DIS3L2: variants seen among roughly 807,000 people sequenced by gnomAD.
DIS3L2 encodes DIS3 like 3'-5' exoribonuclease 2.
In DIS3L2, 34 loss-of-function variants were observed where a neutral mutation model predicts 97.5. The ratio of observed to expected loss-of-function variants is 0.35; its 90% CI spans 0.27 to 0.46. DIS3L2 has a LOEUF of 0.46. Among genes scored for constraint, DIS3L2 ranks in the 20% least tolerant of loss-of-function variants. The pLI, the probability that DIS3L2 is intolerant of heterozygous loss-of-function variation, is 1.00. For missense variants in DIS3L2, 1,038 were observed against 1,146.0 expected, an observed-to-expected ratio of 0.91 and a Z score of 1.36; for synonymous variants, 435 against 445.2, an observed-to-expected ratio of 0.98 and a Z score of 0.29.
Position 232,335,882 on chromosome 2 carries a change from C to T in DIS3L2, c.2496+8C>T, listed in dbSNP as rs1415885837. On this transcript the variant is annotated splice_region_variant and intron_variant, in intron 20 of 20. Coordinates refer to ENST00000325385, the MANE Select transcript of DIS3L2 (RefSeq NM_152383.5). ...CAGGAGCCAGCACAGCAGGTCAGAA[C>T]CCCTCTGTGTCCCAGCCCCCTAAGT... 2 of 1,550,234 alleles carry T rather than the reference C, an allele frequency of 1.3e-6. No individual in the cohort carries two copies. The highest frequency in any genetic ancestry group is 1.7e-6 in the Non-Finnish European group (2 of 1,146,960).
intron 6 of DIS3L2, among the ~76,000 whole-genome samples, chr2:232,127,101 T>G (rs1205631065): frequency 6.6e-6 from 1 of 152,200 alleles, no homozygotes; most frequent in Non-Finnish European, 1.5e-5. Flanking sequence ...AGGGGTTGCA[T>G]GGACTTGCAT....
intron 10 of DIS3L2, among the ~76,000 whole-genome samples, chr2:232,216,365 C>T (rs189025406): frequency 7.9e-5 from 12 of 152,290 alleles, no homozygotes; most frequent in African/African-American, 1.4e-4. Context: ...CTTCTCCAGT[C>T]GCCTTTTTAA....
chr2:232,148,209 C>T (rs1301121540), intron 8 of DIS3L2, among the ~76,000 whole-genome samples: 1 of 151,952 alleles, frequency 6.6e-6, no homozygotes, highest in East Asian at 1.9e-4. Flanking sequence ...ACCATCATGC[C>T]CAGCAATTTT....
At chr2:232,077,917 A>G (rs575995785) in intron 5 of DIS3L2, among the ~76,000 whole-genome samples, 1 of 151,864 alleles carries the variant, frequency 6.6e-6, no homozygotes, top group East Asian at 1.9e-4. Context: ...GTACTTTGTT[A>G]TAGAGTATTT....
intron 14 of DIS3L2, among the ~76,000 whole-genome samples, chr2:232,312,733 G>A (rs1175597292): frequency 6.6e-6 from 1 of 152,044 alleles, no homozygotes; most frequent in Non-Finnish European, 1.5e-5. Flanking sequence ...TCACAAACAT[G>A]GTACCTCCCT....
At chr2:232,303,377 G>T (rs770287115) in intron 14 of DIS3L2, among the ~76,000 whole-genome samples, 3 of 152,170 alleles carry the variant, frequency 2.0e-5, no homozygotes, top group Non-Finnish European at 4.4e-5. Context: ...AAGATACTCA[G>T]CCCAGACCCT....
At chr2:232,036,419 C>CT (rs2106247210) in intron 5 of DIS3L2, among the ~76,000 whole-genome samples, 1 of 152,310 alleles carries the variant, frequency 6.6e-6, no homozygotes, top group South Asian at 2.1e-4. Context: ...AGCAATTCCT[C>CT]TAACCTTTTA....
intron 6 of DIS3L2, among the ~76,000 whole-genome samples, chr2:232,124,526 A>C (rs1698000238): frequency 6.6e-6 from 1 of 152,198 alleles, no homozygotes; most frequent in African/African-American, 2.4e-5. Flanking sequence ...AGTAAGAAAA[A>C]AATTATTCAG....
At chr2:232,307,646 C>T (rs1695023298) in intron 14 of DIS3L2, 1 of 152,172 alleles carries the variant, frequency 6.6e-6, no homozygotes, top group South Asian at 2.1e-4. Flanking sequence ...CTTTATGATC[C>T]ATGTACCATA....
intron 14 of DIS3L2, 28 bp from the exon 15 acceptor site, chr2:232,329,785 T>TGCCGGGGGGGGGGCCCCCC: frequency 2.1e-6 from 2 of 967,140 alleles, no homozygotes; most frequent in Non-Finnish European, 1.5e-6. Context: ...ACCCCAGCGG[T>TGCCGGGGGGGGGGCCCCCC]CCCTCCCATC....
intron 9 of DIS3L2, among the ~76,000 whole-genome samples, chr2:232,183,084 A>C (rs1210559343): frequency 6.6e-6 from 1 of 152,240 alleles, no homozygotes; most frequent in African/African-American, 2.4e-5. Context: ...AAAAAGAAGC[A>C]TGAGAAAGAA....
intron 12 of DIS3L2, among the ~76,000 whole-genome samples, chr2:232,258,209 G>C (rs1693618965): frequency 6.6e-6 from 1 of 152,038 alleles, no homozygotes; most frequent in Non-Finnish European, 1.5e-5. Context: ...TATTTAATTT[G>C]ACATTCTGAA....
chr2:232,187,488 G>A (rs992543514), intron 9 of DIS3L2, among the ~76,000 whole-genome samples: 3 of 152,114 alleles, frequency 2.0e-5, no homozygotes, highest in Admixed American at 6.5e-5. Flanking sequence ...CTGTCATCAG[G>A]CTGGAGTGCA....
intron 10 of DIS3L2, among the ~76,000 whole-genome samples, chr2:232,213,938 A>G (rs1269354034): frequency 6.6e-6 from 1 of 152,122 alleles, no homozygotes; most frequent in Non-Finnish European, 1.5e-5. Context: ...ACCTATCTTC[A>G]TGAAATCTCA....
chr2:232,185,469 G>C (rs1227810061), intron 9 of DIS3L2, among the ~76,000 whole-genome samples: 1 of 152,150 alleles, frequency 6.6e-6, no homozygotes, highest in Non-Finnish European at 1.5e-5. Context: ...AAAATTTATA[G>C]CTCCAAGTGC....
intron 6 of DIS3L2, among the ~76,000 whole-genome samples, chr2:232,129,061 T>G (rs1307752684): frequency 6.6e-6 from 1 of 152,158 alleles, no homozygotes; most frequent in African/African-American, 2.4e-5. Context: ...TGGTATAACA[T>G]TTTGAACAGC....
At chr2:232,312,215 TTTA>T (rs1695154041) in intron 14 of DIS3L2, among the ~76,000 whole-genome samples, 1 of 152,246 alleles carries the variant, frequency 6.6e-6, no homozygotes, top group Non-Finnish European at 1.5e-5. Context: ...GTCGATCTTT[TTTA>T]TTATGGTTAA....
At chr2:232,078,951 T>C (rs531415002) in intron 5 of DIS3L2, among the ~76,000 whole-genome samples, 42 of 152,366 alleles carry the variant, frequency 2.8e-4, no homozygotes, top group African/African-American at 8.9e-4. Flanking sequence ...GGAGTAGGTC[T>C]TAAAAGATGG....
chr2:232,249,051 A>G (rs114872463), intron 11 of DIS3L2, among the ~76,000 whole-genome samples, 188 bp from the exon 12 acceptor site: 203 of 152,250 alleles, frequency 1.3e-3, no homozygotes, highest in Non-Finnish European at 2.3e-3. Flanking sequence ...TCATATTCCT[A>G]TTTGACTCTA....
Sources: gnomAD v4.1 joint callset for allele counts (sites outside exome capture counted in the v4.1 genomes callset) on GRCh38, gnomAD v4.1.1 for gene constraint, MANE v1.5 for transcripts, NCBI Gene and HGNC (gene_info 2026-07-23, HGNC 2026-07-21) for gene names.